Variants in AQR observed in about 807,000 individuals in gnomAD.
The protein encoded by AQR is RNA helicase aquarius.
In AQR, 61 loss-of-function variants were observed where a neutral mutation model predicts 180.5. The observed-to-expected ratio is 0.34, with a 90% confidence interval of 0.28 to 0.42. AQR has a LOEUF of 0.42. Among genes scored for constraint, AQR ranks in the 10% least tolerant of loss-of-function variants. The pLI, the probability that AQR is intolerant of heterozygous loss-of-function variation, is 1.00. For synonymous variants in AQR, 551 were observed against 588.8 expected, an observed-to-expected ratio of 0.94 and a Z score of 0.93; for missense variants, 1,281 against 1,798.3, an observed-to-expected ratio of 0.71 and a Z score of 5.20.
At chr15:34,897,955 T>A (rs150959543) in intron 20 of AQR, among the ~76,000 whole-genome samples, 1 of 152,224 alleles carries the variant, frequency 6.6e-6, no homozygotes, top group African/African-American at 2.4e-5. Flanking sequence ...ACATTAAATA[T>A]TATCTCATGT....
chr15:34,944,320 G>C lies in AQR; in HGVS notation c.439C>G (p.Leu147Val), dbSNP rs755109832. 2 of 1,606,930 alleles carry C rather than the reference G, an allele frequency of 1.2e-6. No individual in the cohort carries two copies. The highest frequency in any genetic ancestry group is 1.7e-5 in the Admixed American group (1 of 58,526). Residue 147 changes from leucine (L) to valine (V), a missense_variant, in exon 6 of 35, where the codon CTA becomes GTA. This residue lies in a region of AQR where 404 missense variants were observed against 490.9 expected (regional missense o/e 0.82). Coordinates refer to ENST00000156471, the MANE Select transcript of AQR (RefSeq NM_014691.3). Reference protein sequence around the residue: ...EFSLHEQTVLLLFLDHCFNSL... With the variant: ...EFSLHEQTVLVLFLDHCFNSL... ...TTGAAGCAATGATCAAGAAAAAGTAGTAAGACTGTCTGTTCATGAAGTGAA... is the reference window on the plus strand; with the variant it reads ...TTGAAGCAATGATCAAGAAAAAGTACTAAGACTGTCTGTTCATGAAGTGAA...
chr15:34,918,157 G>T, intron 15 of AQR, 101 bp downstream of exon 15: 2 of 1,263,362 alleles, frequency 1.6e-6, no homozygotes, highest in Non-Finnish European at 1.1e-6. Context: ...TTATCCTAAT[G>T]TACAGAGTAG....
Position 34,860,037 on chromosome 15 carries a change from C to G in AQR, c.4143+5G>C. ...AAAAATAAAAGTCGATTTTGAGAAA[C>G]TCACCTGATGATAATGATGTGTAGT... On this transcript the variant is annotated splice_donor_5th_base_variant and intron_variant, in intron 34 of 34. Coordinates refer to ENST00000156471, the MANE Select transcript of AQR (RefSeq NM_014691.3). 2 of 1,337,094 alleles carry G rather than the reference C, an allele frequency of 1.5e-6. No individual in the cohort carries two copies. Among genetic ancestry groups the G allele is most frequent in the Non-Finnish European group, 2.0e-6 (2 of 1,016,392 alleles). The allele number at this position is 1,337,094 out of a possible 1,614,324, so 82.8% of individuals were successfully genotyped here.
At chr15:34,897,751 T>C (rs1189405600) in intron 20 of AQR, 46 bp from the exon 21 acceptor site, 8 of 1,596,274 alleles carry the variant, frequency 5.0e-6, no homozygotes, top group Admixed American at 3.4e-5. Flanking sequence ...AACAAGGATT[T>C]ACTGAGTACC....
rs1892584055 is a variant in AQR at position 34,856,218 on chromosome 15, A to G, written c.*574T>C. ...TCAGTCTGAGGTGTGCCTCAAGAAT[A>G]AACAGACATCTTAGGTGATTCTAAG... On this transcript the variant is annotated 3_prime_UTR_variant, in exon 35 of 35. Transcript: ENST00000156471. 1 of 213,506 alleles carries G rather than the reference A, an allele frequency of 4.7e-6. No individual in the cohort carries two copies. The highest frequency in any genetic ancestry group is 9.6e-5 in the East Asian group (1 of 10,372). 13.2% of individuals were successfully genotyped at this position (213,506 alleles called of 1,614,324 possible). A position where few individuals can be genotyped will look rare whatever the true frequency, so the allele number is the denominator to read the frequency against.
chr15:34,948,810 A>G (rs375799195), intron 4 of AQR, among the ~76,000 whole-genome samples: 11 of 152,052 alleles, frequency 7.2e-5, no homozygotes, highest in African/African-American at 2.2e-4. Context: ...AAAAAAAAAA[A>G]AAACTTGGAA....
intron 31 of AQR, chr15:34,868,040 C>A (rs1892762295): frequency 6.1e-6 from 1 of 163,210 alleles, no homozygotes; most frequent in Admixed American, 6.3e-5. Context: ...AAGAAAAAAA[C>A]AAATAATCTT....
chr15:34,873,269 T>A (rs1306950162), intron 30 of AQR, among the ~76,000 whole-genome samples: 1 of 152,164 alleles, frequency 6.6e-6, no homozygotes, highest in Non-Finnish European at 1.5e-5. Context: ...TTTTCATACA[T>A]GCTGACAATT....
chr15:34,867,071 ATTGT>A (rs951471798), intron 32 of AQR, among the ~76,000 whole-genome samples: 1 of 152,170 alleles, frequency 6.6e-6, no homozygotes, highest in Non-Finnish European at 1.5e-5. Context: ...ATAAAAGTAG[ATTGT>A]TTGTTTTGAC....
chr15:34,881,499 A>AC (rs1303033600), intron 27 of AQR, among the ~76,000 whole-genome samples: 1 of 152,250 alleles, frequency 6.6e-6, no homozygotes, highest in Non-Finnish European at 1.5e-5. Flanking sequence ...AAATGACTGT[A>AC]TTAAAATCTA....
At chr15:34,931,787 C>T (rs1349518402) in intron 11 of AQR, among the ~76,000 whole-genome samples, 1 of 152,134 alleles carries the variant, frequency 6.6e-6, no homozygotes, top group African/African-American at 2.4e-5. Context: ...GCACTCCAGC[C>T]CGGGTGACAG....
intron 7 of AQR, among the ~76,000 whole-genome samples, chr15:34,941,375 T>C (rs932527454): frequency 1.1e-4 from 16 of 152,266 alleles, no homozygotes; most frequent in Middle Eastern, 3.4e-3. Context: ...AATAAGGAAA[T>C]GTCCACATCA....
At chr15:34,962,548 C>G (rs1233694321) in intron 2 of AQR, among the ~76,000 whole-genome samples, 6 of 152,140 alleles carry the variant, frequency 3.9e-5, no homozygotes, top group Admixed American at 3.3e-4. Context: ...GTGGGCAGAT[C>G]ACCTGAAGTT....
In AQR at chr15:34,964,285, T is replaced by C. The variant is rs544819413; in HGVS notation, c.81A>G (p.Ala27=). The change falls in exon 2 of 35, where the codon GCA becomes GCG. Residue 27 remains alanine (A), a synonymous_variant. Coordinates refer to ENST00000156471, the MANE Select transcript of AQR (RefSeq NM_014691.3). ...QINAEFVTQL[A]CKYWAPHIKK... is the part of the protein sequence containing the mutation. ...TGATGTGGGGAGCCCAGTATTTACA[T>C]GCTAACTGCAAAGTAAACAGTATAA... 1.2e-6 allele frequency: 2 copies of C among 1,605,270 alleles called. No homozygotes were observed.
rs948096891 is a variant in AQR at position 34,859,983 on chromosome 15, GA to G, written c.4143+58del. 17 of 932,872 alleles carry G rather than the reference GA, an allele frequency of 1.8e-5. No individual in the cohort carries two copies. In the African/African-American group the frequency reaches 2.4e-4, roughly 13 times the overall value. 57.8% of individuals were successfully genotyped at this position (932,872 alleles called of 1,614,324 possible). On this transcript the variant is annotated intron_variant, in intron 34 of 34. Coordinates refer to ENST00000156471, the MANE Select transcript of AQR (RefSeq NM_014691.3). ...ATTAGGTACTTTAAAGATTTATTCTGAAAAAAAGAAAATTATTTCTACAGCA... is the reference window on the plus strand; with the variant it reads ...ATTAGGTACTTTAAAGATTTATTCTGAAAAAAGAAAATTATTTCTACAGCA...
At chr15:34,882,702 C>A in intron 26 of AQR, 63 bp from the exon 27 acceptor site, 1 of 1,374,532 alleles carries the variant, frequency 7.3e-7, no homozygotes, top group Non-Finnish European at 9.7e-7. Context: ...CATAACCATA[C>A]AATCCAGTCA....
chr15:34,855,577 T>C lies in AQR; in HGVS notation c.*1215A>G. The C allele has an allele frequency of 6.6e-6, 1 of 151,736 alleles. No individual in the cohort carries two copies. Among genetic ancestry groups the C allele is most frequent in the East Asian group, 1.9e-4 (1 of 5,154 alleles). The allele number at this position is 151,736 out of a possible 1,614,324, so 9.4% of individuals were successfully genotyped here. A position where few individuals can be genotyped will look rare whatever the true frequency, so the allele number is the denominator to read the frequency against. ...GTTCTGGGCACCATGCCCAGGGACCTTGTAAGCAGAGGTCCCTTGTCAGAA... is the reference window on the plus strand; with the variant it reads ...GTTCTGGGCACCATGCCCAGGGACCCTGTAAGCAGAGGTCCCTTGTCAGAA... On this transcript the variant is annotated 3_prime_UTR_variant, in exon 35 of 35. Coordinates refer to ENST00000156471, the MANE Select transcript of AQR (RefSeq NM_014691.3).
intron 18 of AQR, 59 bp from the exon 19 acceptor site, chr15:34,904,564 G>C: frequency 6.8e-7 from 1 of 1,461,880 alleles, no homozygotes; most frequent in Non-Finnish European, 9.3e-7. Context: ...ATCAAAATAA[G>C]TTAACAGTAT....
intron 16 of AQR, among the ~76,000 whole-genome samples, chr15:34,911,517 G>A (rs1818400421): frequency 6.6e-6 from 1 of 152,058 alleles, no homozygotes; most frequent in Non-Finnish European, 1.5e-5. Flanking sequence ...TCTCATTGTG[G>A]TTTTGGTATG....
Sources: allele counts gnomAD v4.1 joint callset (sites outside exome capture counted in the v4.1 genomes callset), GRCh38; gene constraint gnomAD v4.1.1; regional missense constraint gnomAD v4.1.1; transcripts MANE v1.5; gene names NCBI Gene and HGNC (gene_info 2026-07-23, HGNC 2026-07-21).